The following NAALADL2 variants were observed in gnomAD, a reference collection of about 807,000 sequenced individuals.
NAALADL2 encodes inactive N-acetylated-alpha-linked acidic dipeptidase-like protein 2.
In NAALADL2, 76 loss-of-function variants were observed where a neutral mutation model predicts 87.2. The ratio of observed to expected loss-of-function variants is 0.87; its 90% confidence interval spans 0.72 to 1.05. NAALADL2 has a LOEUF of 1.05. NAALADL2 is among the 50% of genes least tolerant of loss of function. The pLI is 0.00. For synonymous variants in NAALADL2, 354 were observed against 331.0 expected (o/e 1.07, Z -0.75); for missense variants, 1,089 against 945.8 (o/e 1.15, Z -1.99).
At chr3:174,868,923 C>T (rs954892) in intron 1 of NAALADL2, among the ~76,000 whole-genome samples, 45,440 of 151,552 alleles carry the variant, frequency 0.3, 6,862 homozygotes, top group Admixed American at 0.34. Flanking sequence ...ATAGGTGAGA[C>T]TATACAAAGA....
At chr3:174,609,587 C>T (rs1482502966) in intron 2 of NAALADL2, among the ~76,000 whole-genome samples, 1 of 152,042 alleles carries the variant, frequency 6.6e-6, no homozygotes, top group Non-Finnish European at 1.5e-5. Flanking sequence ...GAATAAAATA[C>T]CTAGGAATGC....
At chr3:175,089,603 G>C (rs941356865) in intron 1 of NAALADL2, among the ~76,000 whole-genome samples, 1 of 152,056 alleles carries the variant, frequency 6.6e-6, no homozygotes, top group South Asian at 2.1e-4. Flanking sequence ...TTGTGAATTA[G>C]CATATAATTT....
intron 1 of NAALADL2, among the ~76,000 whole-genome samples, chr3:174,901,054 A>G (rs995953117): frequency 1.3e-4 from 20 of 152,182 alleles, no homozygotes; most frequent in Non-Finnish European, 1.9e-4. Context: ...GTCCAACTGT[A>G]TGATAAAATT....
intron 2 of NAALADL2, among the ~76,000 whole-genome samples, chr3:174,732,172 T>C (rs891340618): frequency 5.9e-5 from 9 of 152,170 alleles, no homozygotes; most frequent in Non-Finnish European, 1.2e-4. Context: ...AACTTAGAGC[T>C]ATGACATGTG....
intron 3 of NAALADL2, among the ~76,000 whole-genome samples, chr3:174,753,444 G>A (rs914306874): frequency 6.6e-6 from 1 of 152,100 alleles, no homozygotes; most frequent in African/African-American, 2.4e-5. Context: ...TGGTAGTTTT[G>A]AACGTCCTTA....
chr3:174,470,498 A>G (rs1264247333), intron 1 of NAALADL2, among the ~76,000 whole-genome samples: 2 of 152,052 alleles, frequency 1.3e-5, no homozygotes, highest in Non-Finnish European at 1.5e-5. Context: ...GAAGCTGTCA[A>G]TTTTTGTTTT....
intron 4 of NAALADL2, among the ~76,000 whole-genome samples, chr3:175,320,042 T>C (rs1011352324): frequency 1.3e-5 from 2 of 152,186 alleles, no homozygotes; most frequent in Non-Finnish European, 2.9e-5. Flanking sequence ...GGTTGTTAAC[T>C]AAAGTCACAC....
intron 5 of NAALADL2, among the ~76,000 whole-genome samples, chr3:175,437,195 A>G (rs1298290033): frequency 2.0e-5 from 3 of 151,452 alleles, no homozygotes; most frequent in Admixed American, 1.3e-4. Context: ...GTATATCTAG[A>G]AAACCCCATT....
chr3:175,641,211 T>C (rs947909652), intron 11 of NAALADL2, among the ~76,000 whole-genome samples: 2 of 152,202 alleles, frequency 1.3e-5, no homozygotes, highest in African/African-American at 4.8e-5. Context: ...AAATGCCACT[T>C]TGTCTCCCAA....
chr3:175,558,995 A>G (rs1269780287), intron 9 of NAALADL2, among the ~76,000 whole-genome samples: 1 of 152,088 alleles, frequency 6.6e-6, no homozygotes, highest in Non-Finnish European at 1.5e-5. Flanking sequence ...GATTACATTA[A>G]ATCTGTAGAT....
chr3:175,613,461 T>G (rs1313213112), intron 10 of NAALADL2, among the ~76,000 whole-genome samples: 1 of 152,252 alleles, frequency 6.6e-6, no homozygotes, highest in African/African-American at 2.4e-5. Context: ...ATTTTATTCA[T>G]GTCTGAAATT....
At chr3:175,527,921 A>G (rs1209011933) in intron 9 of NAALADL2, among the ~76,000 whole-genome samples, 3 of 152,144 alleles carry the variant, frequency 2.0e-5, no homozygotes, top group African/African-American at 4.8e-5. Flanking sequence ...ACCACTTACC[A>G]TGATCTCATG....
At chr3:174,915,495 G>C (rs1413426431) in intron 1 of NAALADL2, among the ~76,000 whole-genome samples, 2 of 152,078 alleles carry the variant, frequency 1.3e-5, no homozygotes, top group African/African-American at 2.4e-5. Flanking sequence ...GACAGGTTTT[G>C]AGCCCATGTT....
chr3:174,757,791 C>G (rs1712328215), intron 3 of NAALADL2, among the ~76,000 whole-genome samples: 1 of 152,196 alleles, frequency 6.6e-6, no homozygotes, highest in African/African-American at 2.4e-5. Flanking sequence ...GCGTGAGCCA[C>G]TGTGCCCAGC....
At chr3:174,461,203 A>C (rs1716193803) in intron 1 of NAALADL2, among the ~76,000 whole-genome samples, 2 of 152,088 alleles carry the variant, frequency 1.3e-5, no homozygotes, top group Non-Finnish European at 2.9e-5. Context: ...GAAGCATTTT[A>C]CCTGAGTTGT....
chr3:175,777,319 T>C (rs1750378402), intron 13 of NAALADL2, among the ~76,000 whole-genome samples: 1 of 152,032 alleles, frequency 6.6e-6, no homozygotes, highest in Non-Finnish European at 1.5e-5. Context: ...TCAAGGGCTA[T>C]GTGATGTTAA....
intron 10 of NAALADL2, among the ~76,000 whole-genome samples, chr3:175,579,096 T>C (rs1447418068): frequency 6.6e-6 from 1 of 152,178 alleles, no homozygotes; most frequent in Non-Finnish European, 1.5e-5. Flanking sequence ...TTTCAAAGGG[T>C]GTTTTCTAAG....
At chr3:175,717,691 C>CAA (rs11401276) in intron 11 of NAALADL2, among the ~76,000 whole-genome samples, 36 of 109,792 alleles carry the variant, frequency 3.3e-4, no homozygotes, top group African/African-American at 7.9e-4. Context: ...ACCCTGTCTC[C>CAA]AAAAAAAAAA....
chr3:174,508,364 C>T lies in NAALADL2; in HGVS notation c.-183-42205C>T, dbSNP rs565525105. Among the ~76,000 whole-genome samples the T allele has an allele frequency of 3.0e-4, 45 of 152,198 alleles. No homozygotes were observed. The South Asian group carries it at 3.3e-3, about 11-fold the overall frequency. On this transcript the variant is annotated intron_variant, in intron 1 of 3. Coordinates refer to the NAALADL2 transcript ENST00000434257. Reference sequence around the variant, plus strand: ...TCCTGACCTTGTGATCCGCCCGTCTCGGCCTCCCAAAGTGCCAGGAATAGA... The same window carrying T: ...TCCTGACCTTGTGATCCGCCCGTCTTGGCCTCCCAAAGTGCCAGGAATAGA...
Sources: gnomAD v4.1 joint callset for allele counts (sites outside exome capture counted in the v4.1 genomes callset) on GRCh38, gnomAD v4.1.1 for gene constraint, MANE v1.5 for transcripts, NCBI Gene and HGNC (gene_info 2026-07-23, HGNC 2026-07-21) for gene names.